CDC42SE2: variants seen among roughly 807,000 people sequenced by gnomAD.
CDC42SE2 encodes CDC42 small effector protein 2.
In CDC42SE2, 3 loss-of-function variants were observed where a neutral mutation model predicts 11.5. The observed-to-expected ratio is 0.26, with a 90% CI of 0.12 to 0.67. CDC42SE2 has a LOEUF of 0.67. CDC42SE2 is among the 30% of genes least tolerant of loss of function. The pLI is 0.80. For synonymous variants in CDC42SE2, 33 were observed against 34.8 expected, an observed-to-expected ratio of 0.95 and a Z score of 0.18; for missense variants, 82 against 106.8, an observed-to-expected ratio of 0.77 and a Z score of 1.02.
intron 1 of CDC42SE2, chr5:131,245,642 T>G (rs1257544906): frequency 1.3e-5 from 2 of 152,200 alleles, no homozygotes; most frequent in Admixed American, 6.5e-5. Context: ...GGTGCCTAAA[T>G]TCTCCTGCAT....
chr5:131,322,434 C>T (rs1307549479), intron 2 of CDC42SE2, among the ~76,000 whole-genome samples: 4 of 152,156 alleles, frequency 2.6e-5, no homozygotes, highest in Non-Finnish European at 4.4e-5. Flanking sequence ...GTTTTTGTGA[C>T]TGGCTTATTT....
intron 4 of CDC42SE2, among the ~76,000 whole-genome samples, chr5:131,389,900 G>T (rs918930114): frequency 6.6e-6 from 1 of 152,188 alleles, no homozygotes; most frequent in Non-Finnish European, 1.5e-5. Context: ...AGTCTAGCCT[G>T]ACTCTCCAAT....
chr5:131,357,615 T>G (rs1341670725), intron 2 of CDC42SE2, among the ~76,000 whole-genome samples: 2 of 152,218 alleles, frequency 1.3e-5, no homozygotes, highest in Admixed American at 1.3e-4. Flanking sequence ...AATAAGTGAT[T>G]TATATTTCGC....
intron 1 of CDC42SE2, among the ~76,000 whole-genome samples, chr5:131,303,746 A>G (rs1444760550): frequency 6.6e-6 from 1 of 152,234 alleles, no homozygotes; most frequent in Non-Finnish European, 1.5e-5. Flanking sequence ...GCCTGTACTC[A>G]TTCATTGGAG....
chr5:131,348,726 A>G lies in CDC42SE2; in HGVS notation c.-285-10483A>G, dbSNP rs144757400. ...AGAACAAAGGTGGAGGCATCACACT[A>G]TCTGACTTCAAACTATACTACAAGG... is the stretch of plus-strand genomic sequence containing the variant. On this transcript the variant is annotated intron_variant, in intron 2 of 4. Transcript: ENST00000505065. Among the ~76,000 whole-genome samples the G allele has an allele frequency of 4.9e-3, 750 of 152,156 alleles. 10 individuals are homozygous for G. The highest frequency in any genetic ancestry group is 0.017 in the African/African-American group (710 of 41,560).
At chr5:131,217,956 C>A in the CDC42SE2 span, among the ~76,000 whole-genome samples, 1 of 152,036 alleles carries the variant, frequency 6.6e-6, no homozygotes, top group African/African-American at 2.4e-5. Context: ...GGGTGGATTG[C>A]TTAAGCTGAG....
chr5:131,321,000 C>T lies in CDC42SE2; in HGVS notation c.-286+4856C>T, dbSNP rs117199848. 6.4e-4 allele frequency among the ~76,000 whole-genome samples: 97 copies of T among 152,216 alleles called. 2 individuals are homozygous for T. The East Asian group carries it at 0.017, about 27-fold the overall frequency. On this transcript the variant is annotated intron_variant, in intron 2 of 4. Coordinates refer to ENST00000505065, the MANE Select transcript of CDC42SE2 (RefSeq NM_001375635.1). ...TTTATATTCTTGGAGTTAGGGAAGC[C>T]TTCTTAGAAAACGTGTTTTGAAAGA...
At chr5:131,240,648 A>G (rs1036499829), upstream of CDC42SE2, among the ~76,000 whole-genome samples, 1 of 152,232 alleles carries the variant, frequency 6.6e-6, no homozygotes. Flanking sequence ...TCTGGTTTAT[A>G]AAGTTTTGAG....
intron 1 of CDC42SE2, among the ~76,000 whole-genome samples, chr5:131,272,657 G>C (rs990223657): frequency 6.6e-6 from 1 of 151,926 alleles, no homozygotes; most frequent in East Asian, 1.9e-4. Context: ...ATCCCTATCA[G>C]CATATAGATG....
At chr5:131,295,568 G>C (rs972221659) in intron 1 of CDC42SE2, among the ~76,000 whole-genome samples, 1 of 152,060 alleles carries the variant, frequency 6.6e-6, no homozygotes, top group Non-Finnish European at 1.5e-5. Flanking sequence ...AGTATATATA[G>C]TATTTTTATA....
At chr5:131,335,904 G>T (rs1469379615) in intron 2 of CDC42SE2, among the ~76,000 whole-genome samples, 1 of 152,102 alleles carries the variant, frequency 6.6e-6, no homozygotes, top group Non-Finnish European at 1.5e-5. Flanking sequence ...CACACTGACG[G>T]GTCTTGACTC....
At chr5:131,340,951 A>T (rs1758697834) in intron 2 of CDC42SE2, among the ~76,000 whole-genome samples, 1 of 152,194 alleles carries the variant, frequency 6.6e-6, no homozygotes, top group Admixed American at 6.5e-5. Flanking sequence ...TGCTGGTATT[A>T]CAGGCACGAA....
At chr5:131,259,282 C>A (rs1177918554), upstream of CDC42SE2, among the ~76,000 whole-genome samples, 1 of 152,138 alleles carries the variant, frequency 6.6e-6, no homozygotes, top group Non-Finnish European at 1.5e-5. Flanking sequence ...ACATAATATA[C>A]ACTCAATAGA....
intron 1 of CDC42SE2, among the ~76,000 whole-genome samples, chr5:131,292,923 A>C (rs963482533): frequency 3.1e-4 from 45 of 147,432 alleles, no homozygotes; most frequent in African/African-American, 8.8e-4. Flanking sequence ...AAAAAAAAAA[A>C]AAAAAAAAAA....
chr5:131,261,380 T>A (rs1252524100), upstream of CDC42SE2: 2 of 152,212 alleles, frequency 1.3e-5, no homozygotes, highest in Non-Finnish European at 2.9e-5. Flanking sequence ...TTAACATTGA[T>A]GAAACACATT....
chr5:131,279,994 G>A (rs1757205113), intron 1 of CDC42SE2, among the ~76,000 whole-genome samples: 1 of 152,200 alleles, frequency 6.6e-6, no homozygotes, highest in Non-Finnish European at 1.5e-5. Flanking sequence ...TTGAGCCTAG[G>A]ATGTCAAGGC....
intron 1 of CDC42SE2, among the ~76,000 whole-genome samples, chr5:131,273,965 A>T (rs1002779303): frequency 2.0e-5 from 3 of 151,690 alleles, no homozygotes; most frequent in African/African-American, 7.3e-5. Context: ...TTTTATAGAG[A>T]TGGGTTTTCA....
At chr5:131,260,143 G>A (rs1179451783), upstream of CDC42SE2, among the ~76,000 whole-genome samples, 1 of 152,136 alleles carries the variant, frequency 6.6e-6, no homozygotes, top group African/African-American at 2.4e-5. Context: ...AGACCTCACA[G>A]GTAGGTAATA....
intron 1 of CDC42SE2, among the ~76,000 whole-genome samples, chr5:131,293,767 T>C (rs1159125046): frequency 6.6e-6 from 1 of 152,182 alleles, no homozygotes; most frequent in African/African-American, 2.4e-5. Flanking sequence ...GTTCTTTATT[T>C]TTCTGTAAAG....
Sources: gnomAD v4.1 joint callset for allele counts (sites outside exome capture counted in the v4.1 genomes callset) on GRCh38, gnomAD v4.1.1 for gene constraint, MANE v1.5 for transcripts, NCBI Gene and HGNC (gene_info 2026-07-23, HGNC 2026-07-21) for gene names.